The following DTX4 variants were observed in gnomAD, a reference collection of about 807,000 sequenced individuals.
DTX4 encodes the protein E3 ubiquitin-protein ligase DTX4.
A neutral mutation model predicts 57.6 loss-of-function variants in DTX4; 28 were observed. The ratio of observed to expected loss-of-function variants is 0.49; its 90% CI spans 0.36 to 0.67. DTX4 has a LOEUF of 0.67. Among genes scored for constraint, DTX4 ranks in the 30% least tolerant of loss-of-function variants. DTX4 has a pLI of 0.00. For synonymous variants in DTX4, 316 were observed against 331.0 expected (o/e 0.95, Z 0.49); for missense variants, 715 against 836.8 (o/e 0.85, Z 1.80).
In DTX4 at chr11:59,182,320, A is replaced by T; in HGVS notation, c.793A>T (p.Met265Leu). ...SQVIRRQASS[M>L]PTGTTMGSPA... is the part of the protein sequence containing the mutation. Reference sequence around the variant, plus strand: ...GGTGATCCGGAGACAAGCCTCCAGCATGCCCACTGGGACAACCATGGGCTC... The same window carrying T: ...GGTGATCCGGAGACAAGCCTCCAGCTTGCCCACTGGGACAACCATGGGCTC... The change falls in exon 2 of 9, where the codon ATG becomes TTG. Residue 265 changes from methionine (M) to leucine (L), a missense_variant. Met to Leu is a conservative substitution (Grantham distance 15). Coordinates refer to ENST00000227451, the MANE Select transcript of DTX4 (RefSeq NM_015177.2). The T allele has an allele frequency of 6.2e-7, 1 of 1,612,916 alleles. No homozygotes were observed. The highest frequency in any genetic ancestry group is 1.3e-5 in the African/African-American group (1 of 75,032).
chr11:59,181,678 G>A, intron 1 of DTX4, 61 bp from the exon 2 acceptor site: 2 of 1,536,272 alleles, frequency 1.3e-6, no homozygotes, highest in Non-Finnish European at 1.8e-6. Context: ...ACTTGTTAAT[G>A]TCTTGCCACT....
At position 59,204,998 on chromosome 11, in the gene DTX4, C is replaced by T; in HGVS notation, c.*89C>T. On this transcript the variant is annotated 3_prime_UTR_variant, in exon 9 of 9. Coordinates refer to ENST00000227451, the MANE Select transcript of DTX4 (RefSeq NM_015177.2). ...AGTCAATGTAGAAGAAGTTGGTGTC[C>T]TGCCCTCCCAACTTTCTATCCTCCC... The T allele has an allele frequency of 3.3e-6, 4 of 1,202,552 alleles. No individual in the cohort carries two copies. Among genetic ancestry groups the T allele is most frequent in the Non-Finnish European group, 4.7e-6 (4 of 848,914 alleles). 74.5% of individuals were successfully genotyped at this position (1,202,552 alleles called of 1,614,324 possible).
chr11:59,192,239 A>T lies in DTX4; in HGVS notation c.1363A>T (p.Asn455Tyr), dbSNP rs1474312176. 6.2e-7 allele frequency: 1 copy of T among 1,613,984 alleles called. No individual in the cohort carries two copies. Among genetic ancestry groups the T allele is most frequent in the Admixed American group, 1.7e-5 (1 of 60,022 alleles). The change falls in exon 6 of 9, where the codon AAT becomes TAT. Residue 455 changes from asparagine (N) to tyrosine (Y), a missense_variant. Coordinates refer to ENST00000227451, the MANE Select transcript of DTX4 (RefSeq NM_015177.2). ...CTACTGCTTGGTTGCCATGTACAACAATGGGAACAAGGTCAGTGCCAGCCT... is the reference window on the plus strand; with the variant it reads ...CTACTGCTTGGTTGCCATGTACAACTATGGGAACAAGGTCAGTGCCAGCCT... ...HIYCLVAMYN[N>Y]GNKDGSLQCP...
At chr11:59,180,087 T>C (rs2135513348) in intron 1 of DTX4, among the ~76,000 whole-genome samples, 1 of 152,328 alleles carries the variant, frequency 6.6e-6, no homozygotes, top group South Asian at 2.1e-4. Context: ...TACATTCATT[T>C]CTTCATTTAA....
At chr11:59,201,070 C>T (rs1565221991) in intron 8 of DTX4, among the ~76,000 whole-genome samples, 1 of 152,152 alleles carries the variant, frequency 6.6e-6, no homozygotes, top group African/African-American at 2.4e-5. Context: ...AAGATCAAGG[C>T]ACAGGCGGGT....
intron 1 of DTX4, among the ~76,000 whole-genome samples, chr11:59,178,688 A>G (rs758533702): frequency 6.6e-6 from 1 of 152,230 alleles, no homozygotes; most frequent in Non-Finnish European, 1.5e-5. Context: ...ATTGGTGCAC[A>G]TCAGCATAGT....
At chr11:59,176,742 A>G (rs1407182980) in intron 1 of DTX4, among the ~76,000 whole-genome samples, 1 of 152,248 alleles carries the variant, frequency 6.6e-6, no homozygotes, top group Non-Finnish European at 1.5e-5. Flanking sequence ...GGTGCTTTGT[A>G]ACGCAGGTGG....
At chr11:59,201,237 C>T (rs544230491) in intron 8 of DTX4, among the ~76,000 whole-genome samples, 2 of 152,302 alleles carry the variant, frequency 1.3e-5, no homozygotes, top group Admixed American at 1.3e-4. Flanking sequence ...CTGTCATTAC[C>T]TAATCACCTC....
At chr11:59,200,227 G>A (rs778606562) in intron 8 of DTX4, among the ~76,000 whole-genome samples, 2 of 152,188 alleles carry the variant, frequency 1.3e-5, no homozygotes, top group African/African-American at 4.8e-5. Context: ...ACTACCATGA[G>A]AACAGTATAG....
At chr11:59,174,649 T>G (rs1396268469) in intron 1 of DTX4, among the ~76,000 whole-genome samples, 2 of 152,062 alleles carry the variant, frequency 1.3e-5, no homozygotes, top group Non-Finnish European at 2.9e-5. Context: ...GTACTTAGGA[T>G]AGGCAAGGTA....
intron 8 of DTX4, among the ~76,000 whole-genome samples, chr11:59,203,385 T>G (rs1862762386): frequency 7.0e-6 from 1 of 142,938 alleles, no homozygotes. Flanking sequence ...TTTTAAAAAC[T>G]TTTTTTTTTT....
In DTX4 at chr11:59,199,667, T is replaced by G; in HGVS notation, c.1537-17T>G. The stretch of plus-strand genomic sequence containing the variant: ...ATTTTGAAAAATGCCATTTGCTTGC[T>G]TGCTTTCTGCTTTCAGGGACCGGAA... On this transcript the variant is annotated splice_polypyrimidine_tract_variant and intron_variant, in intron 7 of 8. Coordinates refer to ENST00000227451, the MANE Select transcript of DTX4 (RefSeq NM_015177.2). The G allele has an allele frequency of 6.4e-7, 1 of 1,561,710 alleles. No individual in the cohort carries two copies. The highest frequency in any genetic ancestry group is 8.7e-7 in the Non-Finnish European group (1 of 1,152,300).
At chr11:59,204,563 G>A in intron 8 of DTX4, 113 bp from the exon 9 acceptor site, 1 of 974,210 alleles carries the variant, frequency 1.0e-6, no homozygotes. Flanking sequence ...GCTGCTTAGG[G>A]TATCATGATG....
intron 1 of DTX4, among the ~76,000 whole-genome samples, chr11:59,179,042 T>A (rs1262415914): frequency 6.6e-6 from 1 of 150,952 alleles, no homozygotes; most frequent in Non-Finnish European, 1.5e-5. Flanking sequence ...ATAACAGTAT[T>A]GTGTTTAAAA....
At chr11:59,200,062 G>GT (rs1862722209) in intron 8 of DTX4, among the ~76,000 whole-genome samples, 1 of 152,188 alleles carries the variant, frequency 6.6e-6, no homozygotes, top group Non-Finnish European at 1.5e-5. Context: ...AAGGAAAGAG[G>GT]TTTAATTGAC....
chr11:59,176,399 C>T (rs559020350), intron 1 of DTX4, among the ~76,000 whole-genome samples: 2 of 152,240 alleles, frequency 1.3e-5, no homozygotes, highest in Non-Finnish European at 2.9e-5. Context: ...CAAGGGTTTA[C>T]AGCTAGTCAA....
chr11:59,189,277 G>T lies in DTX4; in HGVS notation c.1113G>T (p.Gly371=), dbSNP rs772790379. 12 of 1,578,802 alleles carry T rather than the reference G, an allele frequency of 7.6e-6. No homozygotes were observed. The African/African-American group carries it at 9.5e-5, about 12-fold the overall frequency. ...VSKSEIKSIP[G]VSNTSRKTTK... is the part of the protein sequence containing the mutation. Reference sequence around the variant, plus strand: ...AGAGTGAAATAAAATCCATCCCAGGGGTTTCCAACACAAGCCGCAAGACCA... The same window carrying T: ...AGAGTGAAATAAAATCCATCCCAGGTGTTTCCAACACAAGCCGCAAGACCA... The change falls in exon 4 of 9, where the codon GGG becomes GGT. Residue 371 remains glycine (G), a synonymous_variant. Coordinates refer to ENST00000227451, the MANE Select transcript of DTX4 (RefSeq NM_015177.2).
At chr11:59,197,660 C>T (rs1862690630) in intron 7 of DTX4, among the ~76,000 whole-genome samples, 1 of 152,202 alleles carries the variant, frequency 6.6e-6, no homozygotes, top group Non-Finnish European at 1.5e-5. Flanking sequence ...GCCACTGCCA[C>T]AGTCCAGGCC....
In DTX4 at chr11:59,189,185, G is replaced by A. The variant is rs1356666026; in HGVS notation, c.1021G>A (p.Ala341Thr). ...LAGITGILMS[A>T]AGLPVCLTRP... ...AGGAATCACTGGGATCCTCATGAGT[G>A]CAGCGGGGCTGCCTGTGTGTCTCAC... Residue 341 changes from alanine (A) to threonine (T), a missense_variant, in exon 4 of 9, where the codon GCA becomes ACA. Ala to Thr is a moderately conservative substitution (Grantham distance 58). Transcript: ENST00000227451. 7 of 1,613,568 alleles carry A rather than the reference G, an allele frequency of 4.3e-6. No individual in the cohort carries two copies. The highest frequency in any genetic ancestry group is 5.9e-6 in the Non-Finnish European group (7 of 1,179,886).
Sources: allele counts gnomAD v4.1 joint callset (sites outside exome capture counted in the v4.1 genomes callset), GRCh38; gene constraint gnomAD v4.1.1; transcripts MANE v1.5; gene names NCBI Gene and HGNC (gene_info 2026-07-23, HGNC 2026-07-21).